CTIF: variants seen among roughly 807,000 people sequenced by gnomAD.
CTIF encodes CBP80/20-dependent translation initiation factor.
CTIF carries 21 observed loss-of-function variants against 66.0 expected under a neutral mutation model. That is an observed-to-expected ratio of 0.32 (90% confidence interval 0.23 to 0.46). CTIF has a LOEUF of 0.46. CTIF is among the 20% of genes least tolerant of loss of function. CTIF has a pLI of 1.00. For synonymous variants in CTIF, 345 were observed against 326.4 expected (o/e 1.06, Z -0.62); for missense variants, 739 against 812.7 (o/e 0.91, Z 1.10).
chr18:48,745,692 C>T (rs1317996349), intron 7 of CTIF, among the ~76,000 whole-genome samples: 1 of 152,234 alleles, frequency 6.6e-6, no homozygotes, highest in Non-Finnish European at 1.5e-5. Flanking sequence ...CGGGCTGTCT[C>T]CTAGCTGAGT....
At chr18:48,840,791 A>T (rs2068921863) in intron 10 of CTIF, among the ~76,000 whole-genome samples, 1 of 151,852 alleles carries the variant, frequency 6.6e-6, no homozygotes, top group South Asian at 2.1e-4. Context: ...GCCCAAACCC[A>T]CTGCAGAACC....
chr18:48,753,758 C>A (rs1014191014), intron 7 of CTIF, among the ~76,000 whole-genome samples: 1 of 152,186 alleles, frequency 6.6e-6, no homozygotes, highest in Non-Finnish European at 1.5e-5. Context: ...ACTTGCAGGG[C>A]TGCAAAACTG....
intron 7 of CTIF, among the ~76,000 whole-genome samples, chr18:48,719,273 G>T (rs1404577958): frequency 6.6e-6 from 1 of 152,090 alleles, no homozygotes; most frequent in Non-Finnish European, 1.5e-5. Context: ...GATACCAAGT[G>T]CCTCTCGACA....
chr18:48,679,659 C>A (rs1486075562), intron 6 of CTIF, among the ~76,000 whole-genome samples: 2 of 152,236 alleles, frequency 1.3e-5, no homozygotes, highest in Admixed American at 6.5e-5. Context: ...CTCAAATCTT[C>A]CCCCTCTTTC....
intron 5 of CTIF, among the ~76,000 whole-genome samples, chr18:48,668,180 C>T (rs1018982832): frequency 7.9e-5 from 12 of 152,350 alleles, no homozygotes; most frequent in African/African-American, 2.4e-4. Flanking sequence ...CCCCCAGGGG[C>T]GCTGAGGCGA....
intron 3 of CTIF, among the ~76,000 whole-genome samples, chr18:48,645,596 G>GCTC (rs2144710657): frequency 6.6e-6 from 1 of 152,330 alleles, no homozygotes; most frequent in Non-Finnish European, 1.5e-5. Context: ...TGGTGAGAAG[G>GCTC]CTCCTACCCA....
chr18:48,659,051 G>T (rs2091294366), intron 3 of CTIF, among the ~76,000 whole-genome samples: 1 of 152,196 alleles, frequency 6.6e-6, no homozygotes, highest in Admixed American at 6.5e-5. Context: ...GCTAAGGCTG[G>T]AAGGAGATGG....
At chr18:48,741,288 T>G (rs188206023) in intron 7 of CTIF, among the ~76,000 whole-genome samples, 7 of 93,836 alleles carry the variant, frequency 7.5e-5, no homozygotes, top group East Asian at 5.1e-4. Context: ...CCGCCCCCCC[T>G]CCTTGGTACA....
At chr18:48,806,874 A>G (rs969222788) in intron 9 of CTIF, among the ~76,000 whole-genome samples, 1 of 152,212 alleles carries the variant, frequency 6.6e-6, no homozygotes, top group Non-Finnish European at 1.5e-5. Flanking sequence ...ACGTCAATAA[A>G]TAGTTTTAGG....
At chr18:48,551,946 C>T (rs941886775) in intron 1 of CTIF, among the ~76,000 whole-genome samples, 10 of 152,144 alleles carry the variant, frequency 6.6e-5, no homozygotes, top group South Asian at 2.1e-4. Flanking sequence ...TACAGGCGCC[C>T]GCCACCACGC....
chr18:48,678,185 C>A (rs1164880205), intron 6 of CTIF, among the ~76,000 whole-genome samples: 1 of 152,062 alleles, frequency 6.6e-6, no homozygotes, highest in Non-Finnish European at 1.5e-5. Flanking sequence ...TAAGCAAGAA[C>A]AAGAAAGTGG....
intron 7 of CTIF, among the ~76,000 whole-genome samples, chr18:48,714,766 G>C (rs1349844752): frequency 6.6e-6 from 1 of 152,212 alleles, no homozygotes; most frequent in African/African-American, 2.4e-5. Context: ...AGCTGGATGG[G>C]AATCCCACCT....
intron 6 of CTIF, chr18:48,683,010 C>G (rs72909773): frequency 3.3e-5 from 5 of 152,270 alleles, no homozygotes; most frequent in Admixed American, 6.5e-5. Context: ...TTCCAGCGCA[C>G]TGCTTTGTGT....
chr18:48,747,212 C>T (rs776856732), intron 7 of CTIF, among the ~76,000 whole-genome samples: 1 of 152,204 alleles, frequency 6.6e-6, no homozygotes, highest in African/African-American at 2.4e-5. Flanking sequence ...CATTCGTTAG[C>T]TCAAACGTGG....
At chr18:48,659,665 C>CTCAA (rs2091308524) in intron 3 of CTIF, among the ~76,000 whole-genome samples, 1 of 152,204 alleles carries the variant, frequency 6.6e-6, no homozygotes, top group African/African-American at 2.4e-5. Context: ...GTTAACAAGA[C>CTCAA]TCAAGCCTTG....
intron 2 of CTIF, among the ~76,000 whole-genome samples, chr18:48,633,112 A>G (rs998022564): frequency 1.3e-5 from 2 of 152,164 alleles, no homozygotes; most frequent in Non-Finnish European, 2.9e-5. Flanking sequence ...GCCGTGGAAT[A>G]TCACACCAGC....
rs2089580089 is a variant in CTIF, at chr18:48,578,303, T to C, written c.-29+38991T>C. ...CTCTGAATGTTCAAGTACAGGTCTTTGTGTGGATGTATGTTTCTAATTCTC... is the reference window on the plus strand; with the variant it reads ...CTCTGAATGTTCAAGTACAGGTCTTCGTGTGGATGTATGTTTCTAATTCTC... On this transcript the variant is annotated intron_variant, in intron 1 of 11. Transcript: ENST00000256413. 2.6e-5 allele frequency among the ~76,000 whole-genome samples: 4 copies of C among 152,254 alleles called. No individual in the cohort carries two copies. The South Asian group carries it at 8.3e-4, about 31-fold the overall frequency.
At chr18:48,839,116 A>G (rs911302849) in intron 10 of CTIF, among the ~76,000 whole-genome samples, 6 of 151,890 alleles carry the variant, frequency 4.0e-5, no homozygotes, top group African/African-American at 9.7e-5. Context: ...TCTGGCCACC[A>G]CTTTTCTGCC....
chr18:48,856,494 G>T (rs2069330836), intron 10 of CTIF, among the ~76,000 whole-genome samples: 1 of 152,148 alleles, frequency 6.6e-6, no homozygotes, highest in African/African-American at 2.4e-5. Context: ...ATAGCTAAAA[G>T]GTGGAAACAA....
Sources: gnomAD v4.1 joint callset for allele counts (sites outside exome capture counted in the v4.1 genomes callset) on GRCh38, gnomAD v4.1.1 for gene constraint, MANE v1.5 for transcripts, NCBI Gene and HGNC (gene_info 2026-07-23, HGNC 2026-07-21) for gene names.